Variants in PTK2 observed in about 807,000 individuals in gnomAD.
PTK2 encodes the protein focal adhesion kinase 1.
PTK2 carries 45 observed loss-of-function variants against 150.1 expected under a neutral mutation model. That is an observed-to-expected ratio of 0.30 (90% CI 0.24 to 0.38). The LOEUF (loss-of-function observed/expected upper bound fraction) is 0.38. PTK2 is among the 10% of genes least tolerant of loss of function. PTK2 has a pLI of 1.00. For missense variants in PTK2, 919 were observed against 1,307.3 expected, an observed-to-expected ratio of 0.70 and a Z score of 4.58; for synonymous variants, 432 against 449.2, an observed-to-expected ratio of 0.96 and a Z score of 0.48.
chr8:140,708,403 C>T lies in PTK2; in HGVS notation c.2143-2198G>A, dbSNP rs1027911196. 5.3e-5 allele frequency among the ~76,000 whole-genome samples: 8 copies of T among 152,278 alleles called. No individual in the cohort carries two copies. In the South Asian group the frequency reaches 1.0e-3, roughly 20 times the overall value. Reference sequence around the variant, plus strand: ...AGTCTTTTAGATGTTACTTCTTTCACGCAACAGCTCGTGATTTTGCCAGCC... The same window carrying T: ...AGTCTTTTAGATGTTACTTCTTTCATGCAACAGCTCGTGATTTTGCCAGCC... On this transcript the variant is annotated intron_variant, in intron 23 of 31. Transcript: ENST00000522684.
intron 15 of PTK2, among the ~76,000 whole-genome samples, chr8:140,763,632 A>G (rs2100070582): frequency 6.6e-6 from 1 of 152,208 alleles, no homozygotes; most frequent in Non-Finnish European, 1.5e-5. Flanking sequence ...TGCACATCAC[A>G]GAGAGAAGCA....
intron 1 of PTK2, among the ~76,000 whole-genome samples, chr8:141,000,087 TCACA>T (rs71310820): frequency 0.012 from 942 of 81,640 alleles, 7 homozygotes; most frequent in South Asian, 0.03. Flanking sequence ...TGAAACCAAT[TCACA>T]CACACACACA....
At chr8:140,741,275 G>A (rs553919511) in intron 20 of PTK2, among the ~76,000 whole-genome samples, 34 of 151,848 alleles carry the variant, frequency 2.2e-4, no homozygotes, top group South Asian at 6.3e-4. Flanking sequence ...CACACACAGT[G>A]AAACTCCATC....
intron 17 of PTK2, among the ~76,000 whole-genome samples, chr8:140,748,320 C>G (rs1055094358): frequency 8.5e-5 from 13 of 152,086 alleles, no homozygotes; most frequent in Non-Finnish European, 1.9e-4. Flanking sequence ...ATGGTGAAAC[C>G]CCATCTTTAC....
chr8:140,805,120 T>C (rs947294732), intron 10 of PTK2, among the ~76,000 whole-genome samples: 3 of 152,168 alleles, frequency 2.0e-5, no homozygotes, highest in Non-Finnish European at 4.4e-5. Flanking sequence ...TCTCCAGCCC[T>C]GTCATCTCCC....
At chr8:140,855,678 A>G (rs536884893) in intron 5 of PTK2, among the ~76,000 whole-genome samples, 4 of 152,180 alleles carry the variant, frequency 2.6e-5, no homozygotes, top group Non-Finnish European at 5.9e-5. Flanking sequence ...CTAGCAAAAC[A>G]TAACATGACA....
chr8:140,792,710 C>T (rs1240020638), intron 13 of PTK2, among the ~76,000 whole-genome samples: 2 of 152,158 alleles, frequency 1.3e-5, no homozygotes, highest in Non-Finnish European at 2.9e-5. Flanking sequence ...AGAACAAAGC[C>T]CAGGCCTCAC....
At chr8:140,935,820 G>A (rs374411807) in intron 1 of PTK2, among the ~76,000 whole-genome samples, 4 of 149,358 alleles carry the variant, frequency 2.7e-5, no homozygotes, top group Non-Finnish European at 4.4e-5. Flanking sequence ...ACAGGCATCC[G>A]CCACCACACC....
At chr8:140,962,236 G>A in intron 1 of PTK2, among the ~76,000 whole-genome samples, 1 of 129,940 alleles carries the variant, frequency 7.7e-6, no homozygotes. Flanking sequence ...AAAAAAAAAG[G>A]AAGGAAGAAA....
intron 2 of PTK2, among the ~76,000 whole-genome samples, chr8:140,892,300 T>C (rs1200704490): frequency 1.3e-5 from 2 of 152,168 alleles, no homozygotes; most frequent in Non-Finnish European, 1.5e-5. Context: ...TTTGGGAGGC[T>C]GAGGCAGGCA....
chr8:140,901,871 T>C (rs371934513), intron 2 of PTK2, among the ~76,000 whole-genome samples: 19 of 152,210 alleles, frequency 1.2e-4, no homozygotes, highest in Middle Eastern at 3.4e-3. Flanking sequence ...TGTGTTGTCA[T>C]TGTTCAACTC....
chr8:140,728,559 C>T (rs2100047294), intron 22 of PTK2, among the ~76,000 whole-genome samples: 2 of 152,178 alleles, frequency 1.3e-5, no homozygotes, highest in African/African-American at 2.4e-5. Flanking sequence ...ACTCTTGTTA[C>T]CCAGGCTGGA....
chr8:140,903,097 G>A (rs1456124090), intron 2 of PTK2, among the ~76,000 whole-genome samples: 1 of 151,842 alleles, frequency 6.6e-6, no homozygotes, highest in Non-Finnish European at 1.5e-5. Context: ...TTCTTCCAGG[G>A]TTTTTATGGT....
chr8:140,813,683 A>G (rs1243889725), intron 10 of PTK2, among the ~76,000 whole-genome samples: 1 of 152,206 alleles, frequency 6.6e-6, no homozygotes, highest in Non-Finnish European at 1.5e-5. Flanking sequence ...AAATGCCCAC[A>G]TCGAAAAGTT....
At chr8:140,764,441 G>T in intron 14 of PTK2, 151 bp from the exon 17 acceptor site, 1 of 620,580 alleles carries the variant, frequency 1.6e-6, no homozygotes, top group South Asian at 2.0e-5. Flanking sequence ...GCTCACACAT[G>T]AGTCATTTAT....
At chr8:140,667,083 C>T (rs2092573125) in intron 30 of PTK2, among the ~76,000 whole-genome samples, 1 of 151,926 alleles carries the variant, frequency 6.6e-6, no homozygotes, top group Admixed American at 6.6e-5. Context: ...ATAGAGATAG[C>T]AAGTAGGATG....
chr8:140,749,989 T>C (rs1052728498), intron 17 of PTK2, among the ~76,000 whole-genome samples: 6 of 152,200 alleles, frequency 3.9e-5, no homozygotes, highest in Admixed American at 3.3e-4. Flanking sequence ...TTTGAAAATA[T>C]AAAATGCACA....
At chr8:140,819,898 AC>A (rs1479202144) in intron 8 of PTK2, among the ~76,000 whole-genome samples, 2 of 151,880 alleles carry the variant, frequency 1.3e-5, no homozygotes, top group South Asian at 2.1e-4. Flanking sequence ...CAAGCAGCAA[AC>A]CCCCAGTCCT....
intron 3 of PTK2, among the ~76,000 whole-genome samples, chr8:140,887,418 A>G (rs1376496850): frequency 6.6e-6 from 1 of 152,216 alleles, no homozygotes; most frequent in African/African-American, 2.4e-5. Flanking sequence ...AAATCTTGCA[A>G]ATCTTTTCAA....
Sources: allele counts gnomAD v4.1 joint callset (sites outside exome capture counted in the v4.1 genomes callset), GRCh38; gene constraint gnomAD v4.1.1; transcripts MANE v1.5; gene names NCBI Gene and HGNC (gene_info 2026-07-23, HGNC 2026-07-21).